Variants in ADAT1 observed in about 807,000 individuals in gnomAD.
ADAT1 encodes the protein adenosine deaminase tRNA specific 1, also known as tRNA-specific adenosine deaminase 1.
In ADAT1, 58 loss-of-function variants were observed where a neutral mutation model predicts 58.6. The ratio of observed to expected loss-of-function variants is 0.99; its 90% CI spans 0.80 to 1.23. ADAT1 has a LOEUF of 1.23. Among genes scored for constraint, ADAT1 ranks in the 50% most tolerant of loss-of-function variants. The pLI is 0.00. For synonymous variants in ADAT1, 254 were observed against 220.8 expected (o/e 1.15, Z -1.33); for missense variants, 741 against 608.6 (o/e 1.22, Z -2.29).
chr16:75,612,840 G>T lies in ADAT1; in HGVS notation c.446C>A (p.Pro149Gln), dbSNP rs770715111. Residue 149 changes from proline (P) to glutamine (Q), a missense_variant, in exon 6 of 10, where the codon CCG (proline) becomes CAG (glutamine). Pro to Gln is a moderately conservative substitution (Grantham distance 76). Coordinates refer to ENST00000564657, the MANE Select transcript of ADAT1 (RefSeq NM_001324445.2). ...AGGCTGATCTTCAAACTCAAGCATC[G>T]GAATGATGGAGGCATCCCCACCTGC... is the stretch of plus-strand genomic sequence containing the variant. ...HTPCGDASII[P>Q]MLEFEDQPCC... 9 of 1,613,602 alleles carry T rather than the reference G, an allele frequency of 5.6e-6. No individual in the cohort carries two copies. The highest frequency in any genetic ancestry group is 2.2e-5 in the East Asian group (1 of 44,884).
rs2151731749 is a variant in ADAT1, at chr16:75,597,489, G to A, written c.*2727C>T. The A allele has an allele frequency of 7.8e-6, 3 of 386,142 alleles. No homozygotes were observed. Among genetic ancestry groups the A allele is most frequent in the East Asian group, 7.9e-5 (1 of 12,686 alleles). 23.9% of individuals were successfully genotyped at this position (386,142 alleles called of 1,614,324 possible). A position where few individuals can be genotyped will look rare whatever the true frequency, so the allele number is the denominator to read the frequency against. ...CAGTCCCCAACCTTTTTGGCACCAG[G>A]GACTGGTTTCATGGAAGATAATTTT... is the stretch of plus-strand genomic sequence containing the variant. On this transcript the variant is annotated 3_prime_UTR_variant, in exon 10 of 10. Coordinates refer to ENST00000564657, the MANE Select transcript of ADAT1 (RefSeq NM_001324445.2).
At chr16:75,618,149 A>G (rs1311642160) in intron 4 of ADAT1, among the ~76,000 whole-genome samples, 1 of 150,260 alleles carries the variant, frequency 6.7e-6, no homozygotes, top group Non-Finnish European at 1.5e-5. Flanking sequence ...TCTAGACCAC[A>G]TTACTACTCA....
Position 75,622,865 on chromosome 16 carries a change from G to A in ADAT1, c.-484C>T, listed in dbSNP as rs966526008. On this transcript the variant is annotated 5_prime_UTR_variant, in exon 1 of 10. Coordinates refer to ENST00000564657, the MANE Select transcript of ADAT1 (RefSeq NM_001324445.2). The stretch of plus-strand genomic sequence containing the variant: ...AGCGATGCTTGGAGGAAGGGACTCT[G>A]GTTTACGCTGGCTCCCTTCCTAAAC... 1 of 152,216 alleles carries A rather than the reference G, an allele frequency of 6.6e-6. No homozygotes were observed. Among genetic ancestry groups the A allele is most frequent in the Non-Finnish European group, 1.5e-5 (1 of 68,032 alleles). 9.4% of individuals were successfully genotyped at this position (152,216 alleles called of 1,614,324 possible).
chr16:75,607,495 C>A (rs1408200200), intron 8 of ADAT1, among the ~76,000 whole-genome samples: 13 of 135,978 alleles, frequency 9.6e-5, no homozygotes, highest in Non-Finnish European at 1.7e-4. Flanking sequence ...GAGCAAGACT[C>A]TATCTCAAAA....
In ADAT1 at chr16:75,616,165, T is replaced by A. The variant is rs191583315; in HGVS notation, c.424+977A>T. On this transcript the variant is annotated intron_variant, in intron 5 of 9. Transcript: ENST00000564657. ...CTGGGATTACAGGCATGCACCACCATGCCCAGCTAATTTTGTATATTTAGT... is the reference window on the plus strand; with the variant it reads ...CTGGGATTACAGGCATGCACCACCAAGCCCAGCTAATTTTGTATATTTAGT... 2.1e-3 allele frequency among the ~76,000 whole-genome samples: 323 copies of A among 152,164 alleles called. 1 individual carries two copies. The highest frequency in any genetic ancestry group is 4.8e-3 in the South Asian group (23 of 4,820).
At chr16:75,618,672 A>G (rs377756287) in intron 3 of ADAT1, 32 bp from the exon 4 acceptor site, 2 of 1,611,624 alleles carry the variant, frequency 1.2e-6, no homozygotes, top group African/African-American at 1.3e-5. Flanking sequence ...AGGTGAAGAC[A>G]TATGGAAGCT....
rs748265276 is a variant in ADAT1, at chr16:75,620,811, G to C, written c.-12C>G. On this transcript the variant is annotated 5_prime_UTR_variant, in exon 2 of 10. Transcript: ENST00000564657. ...TCCGCGGTCCACATGGTCTGAGCTG[G>C]TATTGAGACCTTGATCAAAAACCAC... The C allele has an allele frequency of 2.5e-6, 4 of 1,601,002 alleles. No homozygotes were observed. The highest frequency in any genetic ancestry group is 2.2e-5 in the East Asian group (1 of 44,508).
chr16:75,603,585 G>A (rs1014491279), intron 8 of ADAT1, among the ~76,000 whole-genome samples: 1 of 152,124 alleles, frequency 6.6e-6, no homozygotes, highest in East Asian at 1.9e-4. Context: ...CCACTTGGAC[G>A]AGCCACCTGA....
chr16:75,605,714 T>G (rs1288736281), intron 8 of ADAT1, among the ~76,000 whole-genome samples: 4 of 151,456 alleles, frequency 2.6e-5, no homozygotes, highest in Non-Finnish European at 4.4e-5. Flanking sequence ...GGCGGGTGGA[T>G]CACCTGAGGT....
At chr16:75,621,208 A>G (rs1275871290) in intron 1 of ADAT1, among the ~76,000 whole-genome samples, 6 of 140,586 alleles carry the variant, frequency 4.3e-5, no homozygotes, top group Non-Finnish European at 9.1e-5. Flanking sequence ...CCCTCACTGT[A>G]TAAGGTTTAT....
rs2151766091 is a variant in ADAT1 at position 75,612,685 on chromosome 16, G to A, written c.601C>T (p.Pro201Ser). 1 of 1,614,000 alleles carries A rather than the reference G, an allele frequency of 6.2e-7. No homozygotes were observed. The highest frequency in any genetic ancestry group is 1.1e-5 in the South Asian group (1 of 91,072). Residue 201 changes from proline to serine, a missense_variant, in exon 6 of 10, where the codon CCT becomes TCT. Pro to Ser is a moderately conservative substitution (Grantham distance 74, BLOSUM62 -1). Coordinates refer to ENST00000564657, the MANE Select transcript of ADAT1 (RefSeq NM_001324445.2). ...GTGACCTCCCTGGCTGCAGTCCCAG[G>A]CTCAAGCCTCATCTTTTTGGTTACA... ...SPVTKKMRLE[P>S]GTAAREVTNG...
chr16:75,598,518 ATTTTTTT>A lies in ADAT1; in HGVS notation c.*1691_*1697del, dbSNP rs567204868. On this transcript the variant is annotated 3_prime_UTR_variant, in exon 10 of 10. Transcript: ENST00000564657. ...ACAACTCTGTGGATATACTAAAAAAATTTTTTTTTTTTTTTTTTGAGACAGGATCTCA... is the reference window on the plus strand; with the variant it reads ...ACAACTCTGTGGATATACTAAAAAAATTTTTTTTTTTGAGACAGGATCTCA... Among the ~76,000 whole-genome samples the A allele has an allele frequency of 2.2e-5, 3 of 139,174 alleles. No homozygotes were observed. The highest frequency in any genetic ancestry group is 4.7e-5 in the Non-Finnish European group (3 of 63,386). The allele number at this position is 139,174 out of a possible 152,430, so 91.3% of individuals were successfully genotyped here. A position where few individuals can be genotyped will look rare whatever the true frequency, so the allele number is the denominator to read the frequency against.
intron 5 of ADAT1, among the ~76,000 whole-genome samples, chr16:75,615,046 G>A (rs1015025983): frequency 2.0e-5 from 3 of 152,026 alleles, no homozygotes; most frequent in African/African-American, 7.2e-5. Context: ...CCAATGTGGT[G>A]AAACCCTGTT....
Position 75,604,972 on chromosome 16 carries a change from CTCT to C in ADAT1, c.1290-1804_1290-1802del, listed in dbSNP as rs372705540. Reference sequence around the variant, plus strand: ...CCTCTGCAACTAGCAAGACCAAACCCTCTTCTTCTTCTCCTCCTCCTCAGCCTA... The same window carrying C: ...CCTCTGCAACTAGCAAGACCAAACCCTCTTCTTCTCCTCCTCCTCAGCCTA... On this transcript the variant is annotated intron_variant, in intron 8 of 9. Coordinates refer to ENST00000564657, the MANE Select transcript of ADAT1 (RefSeq NM_001324445.2). Among the ~76,000 whole-genome samples, 1,082 of 152,274 alleles carry C rather than the reference CTCT, an allele frequency of 7.1e-3. 12 individuals are homozygous for C. Among genetic ancestry groups the C allele is most frequent in the African/African-American group, 0.025 (1,036 of 41,552 alleles).
At chr16:75,615,862 A>C (rs2081695607) in intron 5 of ADAT1, among the ~76,000 whole-genome samples, 1 of 152,172 alleles carries the variant, frequency 6.6e-6, no homozygotes, top group African/African-American at 2.4e-5. Flanking sequence ...GCTTGAGAGG[A>C]GCTGATTAGG....
In ADAT1 at chr16:75,600,362, G is replaced by A; in HGVS notation, c.1377-14C>T. 1.2e-6 allele frequency: 2 copies of A among 1,612,676 alleles called. No individual in the cohort carries two copies. Among genetic ancestry groups the A allele is most frequent in the Non-Finnish European group, 1.7e-6 (2 of 1,179,746 alleles). ...AGCTTCTGCACCCTAATGCACACAG[G>A]CCACCAAATACACAGGTTCTCATTG... On this transcript the variant is annotated splice_polypyrimidine_tract_variant and intron_variant, in intron 9 of 9. Transcript: ENST00000564657.
chr16:75,620,416 T>C lies in ADAT1; in HGVS notation c.170-82A>G, dbSNP rs1019531142. 2.1e-5 allele frequency: 31 copies of C among 1,505,538 alleles called. No individual in the cohort carries two copies. In the South Asian group the frequency reaches 2.8e-4, roughly 14 times the overall value. The allele number at this position is 1,505,538 out of a possible 1,614,324, so 93.3% of individuals were successfully genotyped here. On this transcript the variant is annotated intron_variant, in intron 2 of 9. Transcript: ENST00000564657. ...CAGGTGTGATCAGCCTGCACACTCCTCTAGGGGATTCCCAGAGGCCCACTC... is the reference window on the plus strand; with the variant it reads ...CAGGTGTGATCAGCCTGCACACTCCCCTAGGGGATTCCCAGAGGCCCACTC...
At chr16:75,620,915 G>C (rs959883101) in intron 1 of ADAT1, 95 bp from the exon 2 acceptor site, 9 of 1,053,000 alleles carry the variant, frequency 8.5e-6, no homozygotes, top group Non-Finnish European at 1.2e-5. Context: ...CTTTCAAATG[G>C]AGCAGACCGA....
intron 5 of ADAT1, among the ~76,000 whole-genome samples, chr16:75,616,513 C>T (rs978132540): frequency 2.6e-5 from 4 of 152,040 alleles, no homozygotes; most frequent in Non-Finnish European, 4.4e-5. Context: ...GAGTTGTTAT[C>T]CACAAAAGGT....
Sources: gnomAD v4.1 joint callset for allele counts (sites outside exome capture counted in the v4.1 genomes callset) on GRCh38, gnomAD v4.1.1 for gene constraint, MANE v1.5 for transcripts, NCBI Gene and HGNC (gene_info 2026-07-23, HGNC 2026-07-21) for gene names.